The following SLC25A36 variants were observed in gnomAD, a reference collection of about 807,000 sequenced individuals.
SLC25A36 encodes the protein solute carrier family 25 member 36, also known as epididymis secretory sperm binding protein.
SLC25A36 carries 24 observed loss-of-function variants against 35.3 expected under a neutral mutation model. That is an observed-to-expected ratio of 0.68 (90% CI 0.49 to 0.96). SLC25A36 has a LOEUF of 0.96. Among genes scored for constraint, SLC25A36 ranks in the 40% least tolerant of loss-of-function variants. The pLI is 0.00. For missense variants in SLC25A36, 294 were observed against 381.1 expected (o/e 0.77, Z 1.90); for synonymous variants, 141 against 132.2 (o/e 1.07, Z -0.46).
Position 140,949,724 on chromosome 3 carries a change from A to C in SLC25A36, c.42-6803A>C, listed in dbSNP as rs73870069. On this transcript the variant is annotated intron_variant, in intron 1 of 6. Coordinates refer to ENST00000324194, the MANE Select transcript of SLC25A36 (RefSeq NM_001104647.3). ...TGATGTTACAAAGTAATGAACTTAC[A>C]CCCTTCTGTTACAGACTTGGCTATT... is the stretch of plus-strand genomic sequence containing the variant. 8.4e-3 allele frequency among the ~76,000 whole-genome samples: 1,275 copies of C among 152,318 alleles called. 29 individuals are homozygous for C. The highest frequency in any genetic ancestry group is 0.029 in the African/African-American group (1,202 of 41,560).
intron 6 of SLC25A36, 125 bp from the exon 7 acceptor site, chr3:140,976,135 C>A: frequency 1.5e-6 from 1 of 646,666 alleles, no homozygotes; most frequent in Non-Finnish European, 2.6e-6. Flanking sequence ...ATAAGCTACA[C>A]ATTAGAAGCC....
intron 1 of SLC25A36, among the ~76,000 whole-genome samples, chr3:140,945,664 T>C (rs949266959): frequency 1.3e-5 from 2 of 151,762 alleles, no homozygotes; most frequent in African/African-American, 2.4e-5. Flanking sequence ...TGGGTAAAAC[T>C]GCTGATGCCT....
In SLC25A36 at chr3:140,977,985, A is replaced by G. The variant is rs1935093733; in HGVS notation, c.*1532A>G. 1 of 151,632 alleles carries G rather than the reference A, an allele frequency of 6.6e-6. No homozygotes were observed. The highest frequency in any genetic ancestry group is 1.5e-5 in the Non-Finnish European group (1 of 67,900). 9.4% of individuals were successfully genotyped at this position (151,632 alleles called of 1,614,324 possible). A position where few individuals can be genotyped will look rare whatever the true frequency, so the allele number is the denominator to read the frequency against. Reference sequence around the variant, plus strand: ...ATTAGGCAGAAACAGTGTTCATAACATTTTTCTGGGTTTTAAATATGTTGT... The same window carrying G: ...ATTAGGCAGAAACAGTGTTCATAACGTTTTTCTGGGTTTTAAATATGTTGT... On this transcript the variant is annotated 3_prime_UTR_variant, in exon 7 of 7. Coordinates refer to ENST00000324194, the MANE Select transcript of SLC25A36 (RefSeq NM_001104647.3).
chr3:140,962,675 A>G (rs1398556990), intron 3 of SLC25A36, among the ~76,000 whole-genome samples: 1 of 152,114 alleles, frequency 6.6e-6, no homozygotes, highest in Non-Finnish European at 1.5e-5. Context: ...CTCATACCAT[A>G]TCTACTTATC....
rs1365488779 is a variant in SLC25A36 at position 140,977,006 on chromosome 3, T to C, written c.*553T>C. The C allele has an allele frequency of 6.6e-6, 1 of 152,198 alleles. No homozygotes were observed. The highest frequency in any genetic ancestry group is 1.5e-5 in the Non-Finnish European group (1 of 68,032). The allele number at this position is 152,198 out of a possible 1,614,324, so 9.4% of individuals were successfully genotyped here. A position where few individuals can be genotyped will look rare whatever the true frequency, so the allele number is the denominator to read the frequency against. On this transcript the variant is annotated 3_prime_UTR_variant, in exon 7 of 7. Coordinates refer to ENST00000324194, the MANE Select transcript of SLC25A36 (RefSeq NM_001104647.3). ...AAATAGCGTCTAAATATCTTGTATA[T>C]TTTTTAGCATCAAAATGTTTTGGTT...
At chr3:140,968,423 G>A in intron 4 of SLC25A36, 1 of 977,664 alleles carries the variant, frequency 1.0e-6, no homozygotes, top group Non-Finnish European at 1.2e-6. Flanking sequence ...ACTGATAATA[G>A]CAATTACGTA....
At chr3:140,972,308 G>A (rs575567136) in intron 5 of SLC25A36, among the ~76,000 whole-genome samples, 1 of 152,106 alleles carries the variant, frequency 6.6e-6, no homozygotes, top group African/African-American at 2.4e-5. Context: ...AGGCTTGTGG[G>A]GTTGGGGAAT....
chr3:140,942,902 C>A (rs1361014693), intron 1 of SLC25A36, among the ~76,000 whole-genome samples: 2 of 152,152 alleles, frequency 1.3e-5, no homozygotes, highest in African/African-American at 2.4e-5. Context: ...GAGAAAACCA[C>A]CCCTCTTGAA....
At chr3:140,964,930 A>T (rs1934722481) in intron 4 of SLC25A36, 1 of 151,874 alleles carries the variant, frequency 6.6e-6, no homozygotes, top group African/African-American at 2.4e-5. Flanking sequence ...CTTTTTTCTC[A>T]AATGTGTACA....
chr3:140,960,211 C>A (rs907315240), intron 3 of SLC25A36, among the ~76,000 whole-genome samples: 1 of 152,130 alleles, frequency 6.6e-6, no homozygotes, highest in Non-Finnish European at 1.5e-5. Context: ...AATTGAAAAT[C>A]TACACAGGGC....
intron 4 of SLC25A36, among the ~76,000 whole-genome samples, chr3:140,969,696 C>T (rs1019974353): frequency 2.0e-5 from 3 of 151,804 alleles, no homozygotes; most frequent in East Asian, 1.9e-4. Context: ...AATTATTTTG[C>T]ATATGTAGAT....
intron 2 of SLC25A36, among the ~76,000 whole-genome samples, chr3:140,958,959 TTTGTGTGTGTG>T (rs1559813294): frequency 8.1e-6 from 1 of 123,924 alleles, no homozygotes; most frequent in Non-Finnish European, 1.6e-5. Context: ...AAAACAATGT[TTTGTGTGTGTG>T]TGTGTGTGTG....
At chr3:140,970,902 G>T in intron 4 of SLC25A36, 25 bp from the exon 5 acceptor site, 1 of 1,148,356 alleles carries the variant, frequency 8.7e-7, no homozygotes, top group Non-Finnish European at 1.3e-6. Context: ...TTTTACCAGA[G>T]TTCATTTTAA....
At chr3:140,958,842 CTCTT>C (rs1309837806) in intron 2 of SLC25A36, among the ~76,000 whole-genome samples, 1 of 151,932 alleles carries the variant, frequency 6.6e-6, no homozygotes, top group African/African-American at 2.4e-5. Context: ...TAATGTAGAA[CTCTT>C]TATCATTGTG....
chr3:140,974,850 A>G (rs1208824161), intron 6 of SLC25A36, among the ~76,000 whole-genome samples: 1 of 152,128 alleles, frequency 6.6e-6, no homozygotes, highest in Admixed American at 6.6e-5. Context: ...AATTTATGAA[A>G]CCAACTCTTT....
At chr3:140,974,135 T>A (rs1934977248) in intron 6 of SLC25A36, 130 bp downstream of exon 6, 2 of 627,082 alleles carry the variant, frequency 3.2e-6, no homozygotes, top group Non-Finnish European at 5.4e-6. Context: ...ATAATGAGAT[T>A]AAATCTGGTT....
chr3:140,956,712 A>G, intron 2 of SLC25A36, 21 bp downstream of exon 2: 1 of 1,555,758 alleles, frequency 6.4e-7, no homozygotes, highest in Non-Finnish European at 8.7e-7. Flanking sequence ...AGTATTCAGG[A>G]GTGTTTTTTA....
At chr3:140,950,904 GTGTGTCTGTGTGTC>G (rs1384486295) in intron 1 of SLC25A36, among the ~76,000 whole-genome samples, 259 of 127,258 alleles carry the variant, frequency 2.0e-3, no homozygotes, top group African/African-American at 7.7e-3. Flanking sequence ...GTGTCTCTGT[GTGTGTCTGTGTGTC>G]TGTGTGTGTG....
At chr3:140,965,791 T>C (rs1488767293) in intron 4 of SLC25A36, 1 of 151,822 alleles carries the variant, frequency 6.6e-6, no homozygotes, top group East Asian at 1.9e-4. Flanking sequence ...CTCCTACACA[T>C]GACCTTTGAC....
Sources: allele counts gnomAD v4.1 joint callset (sites outside exome capture counted in the v4.1 genomes callset), GRCh38; gene constraint gnomAD v4.1.1; transcripts MANE v1.5; gene names NCBI Gene and HGNC (gene_info 2026-07-23, HGNC 2026-07-21).